Variants in TLN2 observed in about 807,000 individuals in gnomAD.
The protein encoded by TLN2 is talin 2.
A neutral mutation model predicts 294.7 loss-of-function variants in TLN2; 118 were observed. That is an observed-to-expected ratio of 0.40 (90% confidence interval 0.34 to 0.47). TLN2 has a LOEUF of 0.47. Ranked by LOEUF, TLN2 falls within the 20% of genes least tolerant of loss-of-function variation. The probability of loss-of-function intolerance (pLI) is 0.84; values close to 1 mark genes in which losing one functional copy is unlikely to be tolerated. For missense variants in TLN2, 3,083 were observed against 3,282.2 expected, an observed-to-expected ratio of 0.94 and a Z score of 1.48; for synonymous variants, 1,431 against 1,304.5, an observed-to-expected ratio of 1.10 and a Z score of -2.09.
In TLN2 at chr15:62,694,384, C is replaced by A; in HGVS notation, c.1284C>A (p.Ser428=). ...EESTMLEESV[S]PKKSTILQQQ... is the part of the protein sequence containing the mutation. ...CAACCATGTTAGAAGAGTCCGTTTC[C>A]CCAAAAAAGTAAGTATTATGAAGAG... Residue 428 remains serine, a synonymous_variant, in exon 14 of 59, where the codon TCC becomes TCA. Transcript: ENST00000636159. 6.2e-7 allele frequency: 1 copy of A among 1,613,666 alleles called. No individual in the cohort carries two copies. Among genetic ancestry groups the A allele is most frequent in the Non-Finnish European group, 8.5e-7 (1 of 1,179,814 alleles).
intron 1 of TLN2, among the ~76,000 whole-genome samples, chr15:62,462,349 A>G (rs2036855799): frequency 6.6e-6 from 1 of 152,234 alleles, no homozygotes; most frequent in Admixed American, 6.5e-5. Flanking sequence ...AGGACCAGGA[A>G]ACATGTACTT....
Position 62,841,555 on chromosome 15 carries a change from T to A in TLN2, c.*945T>A, listed in dbSNP as rs552696325. The A allele has an allele frequency of 6.6e-6, 1 of 152,204 alleles. No homozygotes were observed. Among genetic ancestry groups the A allele is most frequent in the Non-Finnish European group, 1.5e-5 (1 of 68,036 alleles). 9.4% of individuals were successfully genotyped at this position (152,204 alleles called of 1,614,324 possible). Reference sequence around the variant, plus strand: ...AAGCCCGGATTGGAAAGGATCTGCTTACAAACCTGTCCCCTGTCCTCCAAC... The same window carrying A: ...AAGCCCGGATTGGAAAGGATCTGCTAACAAACCTGTCCCCTGTCCTCCAAC... On this transcript the variant is annotated 3_prime_UTR_variant, in exon 59 of 59. Transcript: ENST00000636159.
chr15:62,781,583 C>G (rs2064173143), intron 44 of TLN2, among the ~76,000 whole-genome samples: 1 of 152,098 alleles, frequency 6.6e-6, no homozygotes, highest in African/African-American at 2.4e-5. Flanking sequence ...ATCTTATTCA[C>G]CTCACGAAGG....
At chr15:62,647,136 A>T in intron 3 of TLN2, 139 bp from the exon 4 acceptor site, 8 of 823,132 alleles carry the variant, frequency 9.7e-6, no homozygotes, top group Non-Finnish European at 1.5e-5. Flanking sequence ...TTTTGTACCT[A>T]AAGTGTACTC....
chr15:62,801,715 A>G (rs190742347), intron 50 of TLN2, among the ~76,000 whole-genome samples: 21 of 152,348 alleles, frequency 1.4e-4, no homozygotes, highest in African/African-American at 4.1e-4. Context: ...GTAACCTAAA[A>G]GCTGGTGGTG....
At chr15:62,421,681 G>A (rs544814891) in intron 1 of TLN2, among the ~76,000 whole-genome samples, 49 of 152,112 alleles carry the variant, frequency 3.2e-4, no homozygotes, top group African/African-American at 1.1e-3. Context: ...TGGAGGGTAG[G>A]GGGTGGGGGG....
intron 1 of TLN2, among the ~76,000 whole-genome samples, chr15:62,459,017 T>C (rs2036641065): frequency 6.6e-6 from 1 of 152,000 alleles, no homozygotes; most frequent in Non-Finnish European, 1.5e-5. Flanking sequence ...TTTTCTTTTT[T>C]TGGAGACAGA....
At chr15:62,613,359 C>T (rs2048066966) in intron 2 of TLN2, among the ~76,000 whole-genome samples, 1 of 152,132 alleles carries the variant, frequency 6.6e-6, no homozygotes, top group Non-Finnish European at 1.5e-5. Context: ...CTGTCCAGTT[C>T]CTAGAAAGTA....
At chr15:62,724,727 G>A (rs1287597087) in intron 26 of TLN2, among the ~76,000 whole-genome samples, 1 of 152,090 alleles carries the variant, frequency 6.6e-6, no homozygotes, top group Admixed American at 6.5e-5. Flanking sequence ...TCAGATAAGG[G>A]TCACTTCCGG....
intron 38 of TLN2, 41 bp from the exon 39 acceptor site, chr15:62,762,231 T>C: frequency 6.2e-7 from 1 of 1,610,652 alleles, no homozygotes; most frequent in Non-Finnish European, 8.5e-7. Flanking sequence ...TTCACTCATG[T>C]CTTCGACCCT....
chr15:62,436,481 G>A (rs2035293368), intron 1 of TLN2, among the ~76,000 whole-genome samples: 1 of 152,200 alleles, frequency 6.6e-6, no homozygotes, highest in African/African-American at 2.4e-5. Context: ...AGCCTTTCGT[G>A]AGCAGGTGGC....
rs760227036 is a variant in TLN2 at position 62,750,521 on chromosome 15, T to C, written c.4209+30T>C. ...GACTGCCTATGCCGTAAGTCAGAAG[T>C]TAGCATTGCTTGTCAATGTGGGGAG... On this transcript the variant is annotated intron_variant, in intron 34 of 58. Transcript: ENST00000636159. 24 of 1,580,600 alleles carry C rather than the reference T, an allele frequency of 1.5e-5. No homozygotes were observed. In the South Asian group the frequency reaches 2.4e-4, roughly 16 times the overall value.
At chr15:62,758,230 C>T (rs2062434021) in intron 37 of TLN2, among the ~76,000 whole-genome samples, 1 of 152,102 alleles carries the variant, frequency 6.6e-6, no homozygotes, top group Non-Finnish European at 1.5e-5. Flanking sequence ...GGCTCATCGG[C>T]ATCAGTCACT....
chr15:62,753,894 A>G lies in TLN2; in HGVS notation c.4454A>G (p.Asp1485Gly). The G allele has an allele frequency of 6.2e-7, 1 of 1,607,150 alleles. No homozygotes were observed. Among genetic ancestry groups the G allele is most frequent in the Admixed American group, 1.7e-5 (1 of 59,122 alleles). Reference protein sequence around the residue: ...AIQMACQNLVDPGSSPSQVLS... With the variant: ...AIQMACQNLVGPGSSPSQVLS... ...CAGATGGCATGCCAGAACTTGGTGG[A>G]CCCTGGCAGCAGCCCATCACAGGTA... Residue 1485 changes from aspartate (D) to glycine (G), a missense_variant, in exon 36 of 59, where the codon GAC becomes GGC. Transcript: ENST00000636159.
intron 2 of TLN2, among the ~76,000 whole-genome samples, chr15:62,602,152 A>G (rs1032140184): frequency 1.3e-5 from 2 of 152,172 alleles, no homozygotes; most frequent in African/African-American, 2.4e-5. Context: ...CAGAACTAGG[A>G]TGTGTGTGTA....
rs564398066 is a variant in TLN2 at position 62,414,152 on chromosome 15, C to CAAAA, written c.-238+23475_-238+23478dup. Among the ~76,000 whole-genome samples, 43 of 51,072 alleles carry CAAAA rather than the reference C, an allele frequency of 8.4e-4. 3 individuals are homozygous for CAAAA. The highest frequency in any genetic ancestry group is 2.6e-3 in the African/African-American group (39 of 14,792). The allele number at this position is 51,072 out of a possible 152,430, so 33.5% of individuals were successfully genotyped here. A position where few individuals can be genotyped will look rare whatever the true frequency, so the allele number is the denominator to read the frequency against. On this transcript the variant is annotated intron_variant, in intron 1 of 58. Coordinates refer to ENST00000636159, the MANE Select transcript of TLN2 (RefSeq NM_015059.3). ...TTGGTTGAACTCAGTGAAGTGTTAG[C>CAAAA]AAAAAAAAAAACTATATATATATAT...
intron 1 of TLN2, among the ~76,000 whole-genome samples, chr15:62,570,896 C>T (rs1326702198): frequency 6.9e-6 from 1 of 144,096 alleles, no homozygotes; most frequent in Non-Finnish European, 1.5e-5. Flanking sequence ...CTTCCATGCA[C>T]AGGCATCTGT....
In TLN2 at chr15:62,448,858, C is replaced by A. The variant is rs114497421; in HGVS notation, c.-238+58173C>A. Among the ~76,000 whole-genome samples the A allele has an allele frequency of 4.1e-3, 620 of 152,284 alleles. 3 individuals are homozygous for A. The highest frequency in any genetic ancestry group is 0.014 in the African/African-American group (588 of 41,560). On this transcript the variant is annotated intron_variant, in intron 1 of 58. Transcript: ENST00000636159. ...TGCAGCTCATCCCATCAGGAGGAAA[C>A]TACTATAGAGCGTGCTCTTCGAGTT...
intron 2 of TLN2, among the ~76,000 whole-genome samples, chr15:62,594,083 T>C (rs1231182018): frequency 6.6e-6 from 1 of 152,202 alleles, no homozygotes; most frequent in Admixed American, 6.5e-5. Context: ...CCTCAAAATA[T>C]GCTACAAAGT....
Sources: allele counts gnomAD v4.1 joint callset (sites outside exome capture counted in the v4.1 genomes callset), GRCh38; gene constraint gnomAD v4.1.1; transcripts MANE v1.5; gene names NCBI Gene and HGNC (gene_info 2026-07-23, HGNC 2026-07-21).